QTGAL: variants seen among roughly 807,000 people sequenced by gnomAD.
The protein encoded by QTGAL is BGnT-like protein 1.
At chr17:83,043,997 A>T in the QTGAL span, among the ~76,000 whole-genome samples, 3 of 151,998 alleles carry the variant, frequency 2.0e-5, no homozygotes, top group Admixed American at 6.6e-5. Flanking sequence ...ACTCAGTAAT[A>T]AAAAAAACAA....
At chr17:82,955,020 C>T in the QTGAL span, among the ~76,000 whole-genome samples, 2 of 152,124 alleles carry the variant, frequency 1.3e-5, no homozygotes, top group African/African-American at 4.8e-5. Context: ...CCATAAATAC[C>T]CTACATGAAA....
chr17:83,026,248 C>T, the QTGAL span, among the ~76,000 whole-genome samples: 6 of 152,190 alleles, frequency 3.9e-5, no homozygotes, highest in East Asian at 3.9e-4. Context: ...ATCACTCTTC[C>T]GTGCCCTGGG....
chr17:82,949,680 T>C, the QTGAL span: 2 of 151,854 alleles, frequency 1.3e-5, no homozygotes, highest in Admixed American at 6.6e-5. Flanking sequence ...AGAAAGGTCA[T>C]GTCGTAAAGG....
chr17:83,006,439 T>C, the QTGAL span: 5 of 984,874 alleles, frequency 5.1e-6, no homozygotes, highest in Non-Finnish European at 6.0e-6. The surrounding 1 kb of genome is among the most constrained non-coding windows in gnomAD (Gnocchi z 5.8). Context: ...GAAACAACTG[T>C]AGAGAGACCC....
At chr17:83,026,756 A>C in the QTGAL span, among the ~76,000 whole-genome samples, 8 of 126,726 alleles carry the variant, frequency 6.3e-5, no homozygotes, top group African/African-American at 2.4e-4. Context: ...CACCCTCGAC[A>C]GACACACAGA....
the QTGAL span, chr17:82,944,784 T>A: frequency 2.0e-5 from 3 of 152,212 alleles, no homozygotes; most frequent in Admixed American, 6.5e-5. Flanking sequence ...GGGTTTCTGC[T>A]GAGCCCTGGA....
the QTGAL span, among the ~76,000 whole-genome samples, chr17:83,031,190 G>A: frequency 7.9e-5 from 12 of 152,364 alleles, no homozygotes; most frequent in African/African-American, 2.2e-4. Context: ...GAAACGCCGC[G>A]TCAGGCACTG....
chr17:82,970,526 A>AGCGTGGCCGCGACCTCCCCACCCG, the QTGAL span, among the ~76,000 whole-genome samples: 10 of 122,262 alleles, frequency 8.2e-5, 2 homozygotes, highest in African/African-American at 2.4e-4. Context: ...CTCCCCACCC[A>AGCGTGGCCGCGACCTCCCCACCCG]GCGTGGCCGC....
At chr17:82,943,829 A>G in the QTGAL span, 3 of 152,244 alleles carry the variant, frequency 2.0e-5, no homozygotes, top group East Asian at 3.8e-4. Flanking sequence ...AACCTGTGTA[A>G]TAGGGGTCTC....
At chr17:83,048,889 A>T in the QTGAL span, 1 of 885,700 alleles carries the variant, frequency 1.1e-6, no homozygotes, top group Non-Finnish European at 1.9e-6. Flanking sequence ...GCCGTGACAA[A>T]CAAAAGGTGT....
the QTGAL span, among the ~76,000 whole-genome samples, chr17:83,008,425 C>A: frequency 2.0e-5 from 3 of 152,018 alleles, no homozygotes; most frequent in East Asian, 5.8e-4. Flanking sequence ...GCAATTCCAC[C>A]GAAAAAAAGA....
At chr17:82,985,341 A>G in the QTGAL span, among the ~76,000 whole-genome samples, 1 of 152,252 alleles carries the variant, frequency 6.6e-6, no homozygotes, top group East Asian at 1.9e-4. Context: ...GAGTTACCTT[A>G]TTAAAATAGT....
At chr17:83,051,600 A>C in the QTGAL span, 3 of 906,358 alleles carry the variant, frequency 3.3e-6, no homozygotes, top group Non-Finnish European at 4.6e-6. Flanking sequence ...AGGGCTGCTC[A>C]GGGCGGAGAC....
At chr17:83,017,458 A>C in the QTGAL span, among the ~76,000 whole-genome samples, 4 of 151,774 alleles carry the variant, frequency 2.6e-5, no homozygotes, top group African/African-American at 2.4e-5. Flanking sequence ...CTCTGGCTCT[A>C]CTAAAAAAAA....
the QTGAL span, among the ~76,000 whole-genome samples, chr17:83,023,615 T>C: frequency 2.0e-5 from 3 of 152,252 alleles, no homozygotes; most frequent in Non-Finnish European, 4.4e-5. Flanking sequence ...GAAAATAGCA[T>C]GATTCAGGAA....
chr17:82,955,350 G>A, the QTGAL span, among the ~76,000 whole-genome samples: 8 of 152,010 alleles, frequency 5.3e-5, no homozygotes, highest in East Asian at 1.5e-3. Context: ...CAAGAAACAT[G>A]AAAAAAAGCT....
chr17:82,980,895 CCT>C, the QTGAL span, among the ~76,000 whole-genome samples: 1 of 152,168 alleles, frequency 6.6e-6, no homozygotes, highest in Non-Finnish European at 1.5e-5. Context: ...AAGTTCCAAC[CCT>C]CTGAGCACAT....
At chr17:82,977,042 G>A in the QTGAL span, among the ~76,000 whole-genome samples, 1 of 152,278 alleles carries the variant, frequency 6.6e-6, no homozygotes. Flanking sequence ...GAGGCCGGAA[G>A]ACAGTCCTGC....
At chr17:83,018,008 G>A in the QTGAL span, among the ~76,000 whole-genome samples, 3 of 135,358 alleles carry the variant, frequency 2.2e-5, no homozygotes, top group East Asian at 2.3e-4. Flanking sequence ...CGTGAACACC[G>A]TGCGCCTGTA....
Sources: allele counts gnomAD v4.1 joint callset (sites outside exome capture counted in the v4.1 genomes callset), GRCh38; gene constraint gnomAD v4.1.1; non-coding constraint Gnocchi (gnomAD v3.1); transcripts MANE v1.5; gene names NCBI Gene and HGNC (gene_info 2026-07-23, HGNC 2026-07-21).